TCF7L2: variants seen among roughly 807,000 people sequenced by gnomAD.
TCF7L2 encodes the protein transcription factor 7-like 2.
Under a neutral mutation model 77.9 loss-of-function variants are expected in TCF7L2, and 23 were observed. The ratio of observed to expected loss-of-function variants is 0.30; its 90% CI spans 0.21 to 0.42. The LOEUF (loss-of-function observed/expected upper bound fraction) is 0.42, where lower values mean the gene tolerates loss of function less well. Among genes scored for constraint, TCF7L2 ranks in the 10% least tolerant of loss-of-function variants. The probability of loss-of-function intolerance (pLI) is 1.00; values close to 1 mark genes in which losing one functional copy is unlikely to be tolerated. For missense variants in TCF7L2, 654 were observed against 793.1 expected (o/e 0.82, Z 2.11); for synonymous variants, 413 against 340.2 (o/e 1.21, Z -2.36).
rs140603697 is a variant in TCF7L2 at position 113,040,102 on chromosome 10, G to A, written c.528G>A (p.Arg176=). Residue 176 remains arginine (R), a synonymous_variant, in exon 5 of 14, where the codon CGG becomes CGA. Coordinates refer to ENST00000627217, the MANE Select transcript of TCF7L2 (RefSeq NM_001146274.2). ...GTAGACAAGCCCTCAAGGATGCCCG[G>A]TCCCCATCACCGGCACACATTGTCG... The A allele has an allele frequency of 2.4e-5, 39 of 1,613,828 alleles. No individual in the cohort carries two copies. In the African/African-American group the frequency reaches 3.5e-4, roughly 14 times the overall value.
chr10:113,088,006 A>G (rs1465792877), intron 5 of TCF7L2, among the ~76,000 whole-genome samples: 1 of 152,184 alleles, frequency 6.6e-6, no homozygotes, highest in Non-Finnish European at 1.5e-5. Context: ...GTGAACGTAA[A>G]AACATACAAG....
chr10:113,152,835 A>C (rs960867152), intron 11 of TCF7L2, among the ~76,000 whole-genome samples: 1 of 152,186 alleles, frequency 6.6e-6, no homozygotes, highest in African/African-American at 2.4e-5. Context: ...AGGGAAGACC[A>C]GTGGGTAGGT....
At chr10:113,147,084 G>A (rs910589752) in intron 8 of TCF7L2, among the ~76,000 whole-genome samples, 4 of 152,090 alleles carry the variant, frequency 2.6e-5, no homozygotes, top group African/African-American at 4.8e-5. Flanking sequence ...TGTTTTAGTC[G>A]CTAATTGTTT....
chr10:112,972,836 T>G (rs1447409052), intron 4 of TCF7L2, among the ~76,000 whole-genome samples: 2 of 152,222 alleles, frequency 1.3e-5, no homozygotes, highest in African/African-American at 2.4e-5. Context: ...TAGTTACTGG[T>G]ATTATCACCA....
At chr10:113,124,001 A>G (rs1475808917) in intron 5 of TCF7L2, among the ~76,000 whole-genome samples, 1 of 152,038 alleles carries the variant, frequency 6.6e-6, no homozygotes, top group African/African-American at 2.4e-5. Flanking sequence ...TATGTTTGAG[A>G]TTTTTCTTTG....
intron 4 of TCF7L2, among the ~76,000 whole-genome samples, chr10:113,039,152 A>C (rs1317806293): frequency 1.3e-5 from 2 of 152,194 alleles, no homozygotes; most frequent in Non-Finnish European, 2.9e-5. Flanking sequence ...ACATGGGCTG[A>C]GTACCTCTGT....
At chr10:113,061,334 C>T (rs2056406373) in intron 5 of TCF7L2, among the ~76,000 whole-genome samples, 1 of 152,180 alleles carries the variant, frequency 6.6e-6, no homozygotes, top group Non-Finnish European at 1.5e-5. Flanking sequence ...AGAGTGTATT[C>T]TGAGGTCCAG....
intron 4 of TCF7L2, among the ~76,000 whole-genome samples, chr10:112,980,073 A>C (rs2040198917): frequency 6.6e-6 from 1 of 152,216 alleles, no homozygotes; most frequent in Non-Finnish European, 1.5e-5. Context: ...GTTGTGTTCC[A>C]TGAGTTTTAT....
chr10:112,976,229 A>G (rs932096217), intron 4 of TCF7L2, among the ~76,000 whole-genome samples: 1 of 152,200 alleles, frequency 6.6e-6, no homozygotes, highest in Non-Finnish European at 1.5e-5. Context: ...TGCTATTTTT[A>G]CCATTGAGGA....
At chr10:113,017,661 G>C (rs973233098) in intron 4 of TCF7L2, among the ~76,000 whole-genome samples, 2 of 152,216 alleles carry the variant, frequency 1.3e-5, no homozygotes, top group South Asian at 4.1e-4. Flanking sequence ...CCTCCATCCA[G>C]TGTCCTTCTA....
intron 4 of TCF7L2, among the ~76,000 whole-genome samples, chr10:113,023,553 C>A (rs1390548068): frequency 6.6e-6 from 1 of 152,172 alleles, no homozygotes; most frequent in Non-Finnish European, 1.5e-5. Flanking sequence ...CTCACTGCAA[C>A]CTTCACCTCC....
At chr10:113,113,857 T>C (rs2063428519) in intron 5 of TCF7L2, among the ~76,000 whole-genome samples, 1 of 152,168 alleles carries the variant, frequency 6.6e-6, no homozygotes, top group South Asian at 2.1e-4. Flanking sequence ...ATGTTAAATA[T>C]AAAAATCAGC....
At position 113,166,977 on chromosome 10, in the gene TCF7L2, A is replaced by T. The variant is rs996844189; in HGVS notation, c.*1005A>T. On this transcript the variant is annotated 3_prime_UTR_variant, in exon 14 of 14. Transcript: ENST00000627217. ...ATTTTAGCGACACTGTCTGAGCAGC[A>T]GTGGGAACCATCTTCGTTTCCCCTT... 1 of 231,498 alleles carries T rather than the reference A, an allele frequency of 4.3e-6. No individual in the cohort carries two copies. Among genetic ancestry groups the T allele is most frequent in the Non-Finnish European group, 8.6e-6 (1 of 116,930 alleles). The allele number at this position is 231,498 out of a possible 1,614,324, so 14.3% of individuals were successfully genotyped here. A position where few individuals can be genotyped will look rare whatever the true frequency, so the allele number is the denominator to read the frequency against.
intron 5 of TCF7L2, among the ~76,000 whole-genome samples, chr10:113,052,058 T>C (rs2054566078): frequency 1.3e-5 from 2 of 152,224 alleles, no homozygotes; most frequent in South Asian, 4.1e-4. Flanking sequence ...AAGCTGAGCA[T>C]ACAGTTGTTT....
chr10:113,099,640 G>C (rs1270822642), intron 5 of TCF7L2, among the ~76,000 whole-genome samples: 1 of 152,236 alleles, frequency 6.6e-6, no homozygotes, highest in Non-Finnish European at 1.5e-5. Flanking sequence ...GAAATGATGA[G>C]AGGTGACCCC....
chr10:113,141,106 C>T lies in TCF7L2; in HGVS notation c.553-78C>T, dbSNP rs2068296744. 3 of 1,571,276 alleles carry T rather than the reference C, an allele frequency of 1.9e-6. No homozygotes were observed. In the East Asian group the frequency reaches 6.8e-5, roughly 35 times the overall value. On this transcript the variant is annotated intron_variant, in intron 5 of 13. Coordinates refer to ENST00000627217, the MANE Select transcript of TCF7L2 (RefSeq NM_001146274.2). ...AGGTGAGAGGCTGTGGCCAAGGGAA[C>T]CCACGGGCCCGGTGCTCTGAAGCCC... is the stretch of plus-strand genomic sequence containing the variant.
intron 4 of TCF7L2, among the ~76,000 whole-genome samples, chr10:113,015,630 C>A (rs1442054781): frequency 6.6e-6 from 1 of 152,060 alleles, no homozygotes; most frequent in Non-Finnish European, 1.5e-5. Context: ...CATGCGCCAC[C>A]ACTCCTGGCT....
At chr10:113,049,393 C>T (rs979298139) in intron 5 of TCF7L2, among the ~76,000 whole-genome samples, 1 of 152,070 alleles carries the variant, frequency 6.6e-6, no homozygotes, top group African/African-American at 2.4e-5. Context: ...GTGGCATCGT[C>T]GATTGCTCTT....
chr10:113,130,159 G>A (rs547229857), intron 5 of TCF7L2, among the ~76,000 whole-genome samples: 2 of 152,192 alleles, frequency 1.3e-5, no homozygotes, highest in Admixed American at 6.5e-5. Context: ...CTTTCTTTGA[G>A]TCCTTTTCAC....
Sources: gnomAD v4.1 joint callset for allele counts (sites outside exome capture counted in the v4.1 genomes callset) on GRCh38, gnomAD v4.1.1 for gene constraint, MANE v1.5 for transcripts, NCBI Gene and HGNC (gene_info 2026-07-23, HGNC 2026-07-21) for gene names.